SCAPER: variants seen among roughly 807,000 people sequenced by gnomAD.
The protein encoded by SCAPER is S phase cyclin A-associated protein in the endoplasmic reticulum.
SCAPER carries 98 observed loss-of-function variants against 182.2 expected under a neutral mutation model. The observed-to-expected ratio is 0.54, with a 90% CI of 0.46 to 0.64. The LOEUF is 0.64. SCAPER is among the 30% of genes least tolerant of loss of function. The pLI is 0.00. For synonymous variants in SCAPER, 605 were observed against 564.6 expected (o/e 1.07, Z -1.01); for missense variants, 1,432 against 1,690.0 (o/e 0.85, Z 2.68).
At chr15:76,814,134 C>T (rs1314346245) in intron 5 of SCAPER, among the ~76,000 whole-genome samples, 2 of 152,124 alleles carry the variant, frequency 1.3e-5, no homozygotes, top group African/African-American at 4.8e-5. Flanking sequence ...CGCCACCGCG[C>T]TCCAGCCTGG....
intron 23 of SCAPER, among the ~76,000 whole-genome samples, chr15:76,525,601 T>C (rs1323801035): frequency 6.6e-6 from 1 of 152,150 alleles, no homozygotes; most frequent in Non-Finnish European, 1.5e-5. Context: ...CTCCCACTTA[T>C]CAGTGAGAAC....
intron 27 of SCAPER, among the ~76,000 whole-genome samples, chr15:76,395,160 T>G (rs1436890820): frequency 6.6e-6 from 1 of 152,214 alleles, no homozygotes; most frequent in Non-Finnish European, 1.5e-5. Context: ...TCATCCATGT[T>G]GTTGCAAATG....
intron 20 of SCAPER, among the ~76,000 whole-genome samples, chr15:76,698,592 T>C (rs2058771772): frequency 6.6e-6 from 1 of 152,292 alleles, no homozygotes. Flanking sequence ...TTTATGCCAA[T>C]TTTTGGCATG....
chr15:76,748,114 C>T lies in SCAPER; in HGVS notation c.1866+5694G>A, dbSNP rs552395077. ...CAAGCCATTCTCCTGCCTCAGCCTCCGGAGTAGCTGGGATTACAGGCATGC... is the reference window on the plus strand; with the variant it reads ...CAAGCCATTCTCCTGCCTCAGCCTCTGGAGTAGCTGGGATTACAGGCATGC... On this transcript the variant is annotated intron_variant, in intron 15 of 31. Transcript: ENST00000563290. Among the ~76,000 whole-genome samples the T allele has an allele frequency of 1.3e-3, 191 of 151,886 alleles. 1 individual carries two copies. Among genetic ancestry groups the T allele is most frequent in the Non-Finnish European group, 2.3e-3 (156 of 67,984 alleles).
In SCAPER at chr15:76,652,558, CACAT is replaced by C. The variant is rs1264259206; in HGVS notation, c.2645+13091_2645+13094del. Among the ~76,000 whole-genome samples the C allele has an allele frequency of 1.8e-3, 245 of 138,904 alleles. 1 individual carries two copies. The highest frequency in any genetic ancestry group is 2.1e-3 in the Non-Finnish European group (133 of 64,328). The allele number at this position is 138,904 out of a possible 152,430, so 91.1% of individuals were successfully genotyped here. On this transcript the variant is annotated intron_variant, in intron 21 of 31. Coordinates refer to ENST00000563290, the MANE Select transcript of SCAPER (RefSeq NM_020843.4). ...ACACACACACACACACACACACACA[CACAT>C]TAGCCGGGTGTGGTGGCAGGTGCCT...
At chr15:76,665,402 A>G (rs1191922078) in intron 21 of SCAPER, among the ~76,000 whole-genome samples, 2 of 152,184 alleles carry the variant, frequency 1.3e-5, no homozygotes. Flanking sequence ...ATGCTGGAGG[A>G]GGCACAAGTT....
At chr15:76,720,587 C>T (rs1366039152) in intron 17 of SCAPER, among the ~76,000 whole-genome samples, 2 of 152,100 alleles carry the variant, frequency 1.3e-5, no homozygotes, top group African/African-American at 4.8e-5. Flanking sequence ...CTCTCCAGCA[C>T]CTGCTGTTTC....
chr15:76,537,751 C>A (rs1388151793), intron 23 of SCAPER, among the ~76,000 whole-genome samples: 1 of 152,114 alleles, frequency 6.6e-6, no homozygotes, highest in Non-Finnish European at 1.5e-5. Flanking sequence ...TTCTGCACAG[C>A]AAAACAAACT....
chr15:76,847,347 A>G (rs1294297966), intron 4 of SCAPER, among the ~76,000 whole-genome samples: 1 of 150,782 alleles, frequency 6.6e-6, no homozygotes, highest in Non-Finnish European at 1.5e-5. Flanking sequence ...CATAATAAAT[A>G]AATAGTAACA....
At chr15:76,866,714 T>G (rs1029735501) in intron 2 of SCAPER, among the ~76,000 whole-genome samples, 1 of 152,214 alleles carries the variant, frequency 6.6e-6, no homozygotes, top group Non-Finnish European at 1.5e-5. Context: ...CCAGTTCTTA[T>G]AAAAATGTCA....
chr15:76,821,196 T>C (rs1419379967), intron 5 of SCAPER, among the ~76,000 whole-genome samples: 1 of 152,254 alleles, frequency 6.6e-6, no homozygotes, highest in Non-Finnish European at 1.5e-5. Context: ...AGCAGCTTTA[T>C]TCATAATTGA....
intron 5 of SCAPER, among the ~76,000 whole-genome samples, chr15:76,812,542 T>C: frequency 6.7e-6 from 1 of 149,082 alleles, no homozygotes; most frequent in East Asian, 2.0e-4. Flanking sequence ...AACAAAGAGT[T>C]GGTTGTATTT....
chr15:76,497,190 G>C (rs1036832889), intron 24 of SCAPER, among the ~76,000 whole-genome samples: 7 of 142,320 alleles, frequency 4.9e-5, no homozygotes, highest in African/African-American at 1.8e-4. Flanking sequence ...GGCCATCCCA[G>C]AAGTGAATCT....
intron 20 of SCAPER, among the ~76,000 whole-genome samples, chr15:76,681,704 T>A (rs903845449): frequency 1.4e-4 from 21 of 152,154 alleles, no homozygotes; most frequent in African/African-American, 4.6e-4. Flanking sequence ...GAGTGGCCTC[T>A]TCTCTCCACA....
At position 76,653,059 on chromosome 15, in the gene SCAPER, A is replaced by G. The variant is rs145848529; in HGVS notation, c.2645+12594T>C. ...ACAAAATCAATGAACAGAAATCAGT[A>G]GCATTGCTAACAACATCTAGGCTGA... On this transcript the variant is annotated intron_variant, in intron 21 of 31. Transcript: ENST00000563290. 3.3e-5 allele frequency among the ~76,000 whole-genome samples: 5 copies of G among 152,338 alleles called. No individual in the cohort carries two copies. The East Asian group carries it at 9.6e-4, about 29-fold the overall frequency.
rs59692169 is a variant in SCAPER at position 76,432,483 on chromosome 15, CAG to C, written c.3311+1593_3311+1594del. Among the ~76,000 whole-genome samples, 8 of 152,312 alleles carry C rather than the reference CAG, an allele frequency of 5.3e-5. No homozygotes were observed. In the East Asian group the frequency reaches 1.3e-3, roughly 26 times the overall value. On this transcript the variant is annotated intron_variant, in intron 26 of 31. Coordinates refer to ENST00000563290, the MANE Select transcript of SCAPER (RefSeq NM_020843.4). The stretch of plus-strand genomic sequence containing the variant: ...TTATGAACTGCGAAAGAAGCAAATA[CAG>C]AGGAGTGCATTCTTGTTCTCCTGTT...
chr15:76,418,858 T>C (rs1206166816), intron 26 of SCAPER, among the ~76,000 whole-genome samples: 1 of 152,228 alleles, frequency 6.6e-6, no homozygotes, highest in African/African-American at 2.4e-5. Context: ...CAGAGCCACA[T>C]AGCTGGCCAC....
At chr15:76,567,521 T>C (rs1360364065) in intron 23 of SCAPER, 4 of 229,016 alleles carry the variant, frequency 1.7e-5, no homozygotes, top group Admixed American at 1.1e-4. Context: ...TTCCCACTGC[T>C]CTAGTTCTTT....
At chr15:76,361,585 T>A (rs2041424299) in intron 29 of SCAPER, among the ~76,000 whole-genome samples, 1 of 152,214 alleles carries the variant, frequency 6.6e-6, no homozygotes, top group African/African-American at 2.4e-5. Flanking sequence ...CACTGCTGGT[T>A]TAAATAAATT....
Sources: gnomAD v4.1 joint callset for allele counts (sites outside exome capture counted in the v4.1 genomes callset) on GRCh38, gnomAD v4.1.1 for gene constraint, MANE v1.5 for transcripts, NCBI Gene and HGNC (gene_info 2026-07-23, HGNC 2026-07-21) for gene names.